Variants in GRIN3A observed in about 807,000 individuals in gnomAD.
GRIN3A encodes glutamate ionotropic receptor NMDA type subunit 3A, also known as glutamate receptor ionotropic, NMDA 3A.
A neutral mutation model predicts 92.4 loss-of-function variants in GRIN3A; 47 were observed. That is an observed-to-expected ratio of 0.51 (90% CI 0.40 to 0.65). GRIN3A has a LOEUF of 0.65. Ranked by LOEUF, GRIN3A falls within the 30% of genes least tolerant of loss-of-function variation. The pLI is 0.00. For synonymous variants in GRIN3A, 527 were observed against 540.6 expected (o/e 0.97, Z 0.35); for missense variants, 1,324 against 1,393.1 (o/e 0.95, Z 0.79).
rs1026487101 is a variant in GRIN3A at position 101,572,416 on chromosome 9, A to G, written c.*758T>C. The G allele has an allele frequency of 5.2e-5, 8 of 152,716 alleles. No individual in the cohort carries two copies. The highest frequency in any genetic ancestry group is 1.2e-4 in the Non-Finnish European group (8 of 68,124). 9.5% of individuals were successfully genotyped at this position (152,716 alleles called of 1,614,324 possible). ...GTAGTCTTATTCATTTTTTAGCCAA[A>G]TTGCCTTTCTGGCCCAGAGCTTTTG... On this transcript the variant is annotated 3_prime_UTR_variant, in exon 9 of 9. Transcript: ENST00000361820.
chr9:101,667,923 G>A (rs558632368), intron 3 of GRIN3A, among the ~76,000 whole-genome samples: 144 of 152,072 alleles, frequency 9.5e-4, no homozygotes, highest in African/African-American at 2.3e-3. Flanking sequence ...TAGAAACAAC[G>A]CTAGTACACA....
chr9:101,602,811 G>A (rs1828229117), intron 6 of GRIN3A: 1 of 152,100 alleles, frequency 6.6e-6, no homozygotes, highest in Non-Finnish European at 1.5e-5. Context: ...ATAGTAGCCA[G>A]AAAGCAACAG....
chr9:101,583,661 AAGC>A (rs1827917427), intron 6 of GRIN3A, among the ~76,000 whole-genome samples: 1 of 152,128 alleles, frequency 6.6e-6, no homozygotes, highest in African/African-American at 2.4e-5. Flanking sequence ...TCAGAAATGC[AAGC>A]AGAAGTCCAG....
intron 2 of GRIN3A, among the ~76,000 whole-genome samples, chr9:101,684,552 T>G (rs1436504287): frequency 6.6e-6 from 1 of 152,120 alleles, no homozygotes; most frequent in Non-Finnish European, 1.5e-5. Flanking sequence ...GAGGATAGAA[T>G]GGGCCAAGTA....
intron 1 of GRIN3A, among the ~76,000 whole-genome samples, chr9:101,730,320 A>G (rs764445478): frequency 2.0e-5 from 3 of 152,178 alleles, no homozygotes; most frequent in East Asian, 1.9e-4. Context: ...TTGCGAATGC[A>G]TAATAAGGTA....
intron 6 of GRIN3A, among the ~76,000 whole-genome samples, chr9:101,602,255 C>T (rs958726495): frequency 6.6e-6 from 1 of 152,274 alleles, no homozygotes; most frequent in African/African-American, 2.4e-5. Flanking sequence ...CAATTTCTCA[C>T]AATTTTAGAC....
chr9:101,737,340 A>G lies in GRIN3A; in HGVS notation c.640T>C (p.Leu214=). 1 of 1,614,202 alleles carries G rather than the reference A, an allele frequency of 6.2e-7. No individual in the cohort carries two copies. Among genetic ancestry groups the G allele is most frequent in the Non-Finnish European group, 8.5e-7 (1 of 1,180,030 alleles). ...CTGATCACTGGAATGTGCAGGACTA[A>G]GCTGACCAAGTCGAGCTCCATCATT... The part of the protein sequence containing the change: ...GEMMELDLVS[L]VLHIPVISIV... The change falls in exon 1 of 9, where the codon TTA becomes CTA. Residue 214 remains leucine, a synonymous_variant. Transcript: ENST00000361820.
rs926458907 is a variant in GRIN3A at position 101,639,343 on chromosome 9, G to GA, written c.2353-10943dup. ...AACTGATGCTATAGGGCTTCTTACAGAAAAAAAAAAAGGAGGATGCCTTTA... is the reference window on the plus strand; with the variant it reads ...AACTGATGCTATAGGGCTTCTTACAGAAAAAAAAAAAAGGAGGATGCCTTTA... On this transcript the variant is annotated intron_variant, in intron 3 of 8. Coordinates refer to ENST00000361820, the MANE Select transcript of GRIN3A (RefSeq NM_133445.3). Among the ~76,000 whole-genome samples the GA allele has an allele frequency of 3.1e-3, 450 of 143,042 alleles. 2 individuals are homozygous for GA. Among genetic ancestry groups the GA allele is most frequent in the African/African-American group, 6.9e-3 (272 of 39,180 alleles). 93.8% of individuals were successfully genotyped at this position (143,042 alleles called of 152,430 possible).
chr9:101,671,025 AG>A lies in GRIN3A; in HGVS notation c.1386del (p.Phe464SerfsTer52). 6.2e-7 allele frequency: 1 copy of A among 1,613,944 alleles called. No homozygotes were observed. The highest frequency in any genetic ancestry group is 1.7e-5 in the Admixed American group (1 of 60,006). ...KGSTIVSSEN[N>X]FFIWNLQHDP... ...TCATGTTGAAGATTCCAGATGAAAA[AG>A]TTGTTTTCTGAGCTGACGATGGTGG... On this transcript the variant is annotated frameshift_variant, in exon 3 of 9. Coordinates refer to ENST00000361820, the MANE Select transcript of GRIN3A (RefSeq NM_133445.3). LOFTEE classifies it high-confidence loss of function.
At chr9:101,611,024 G>C (rs1393630831) in intron 6 of GRIN3A, among the ~76,000 whole-genome samples, 1 of 151,796 alleles carries the variant, frequency 6.6e-6, no homozygotes, top group African/African-American at 2.4e-5. Context: ...TGTGAACCTG[G>C]GAGGTGGAGC....
At position 101,670,439 on chromosome 9, in the gene GRIN3A, C is replaced by T. The variant is rs925868483; in HGVS notation, c.1973G>A (p.Arg658Lys). ...AATGGGAGCTGCTGTATCTCGGGTC[C>T]TCACTAAGATGCCCAAGCTGGTGGA... ...FFSTSLGILV[R>K]TRDTAAPIGA... Residue 658 changes from arginine (R) to lysine (K), a missense_variant, in exon 3 of 9, where the codon AGG becomes AAG. By Grantham distance (26) the Arg-to-Lys change is conservative. Coordinates refer to ENST00000361820, the MANE Select transcript of GRIN3A (RefSeq NM_133445.3). 15 of 1,613,864 alleles carry T rather than the reference C, an allele frequency of 9.3e-6. No homozygotes were observed. Among genetic ancestry groups the T allele is most frequent in the African/African-American group, 2.7e-5 (2 of 74,900 alleles).
At chr9:101,726,557 A>G (rs1420422458) in intron 1 of GRIN3A, among the ~76,000 whole-genome samples, 1 of 152,172 alleles carries the variant, frequency 6.6e-6, no homozygotes, top group African/African-American at 2.4e-5. Flanking sequence ...TTGCAACAGA[A>G]CATCCTTTGA....
At chr9:101,719,606 G>A (rs192279305) in intron 1 of GRIN3A, among the ~76,000 whole-genome samples, 5 of 152,158 alleles carry the variant, frequency 3.3e-5, no homozygotes, top group Admixed American at 3.3e-4. Flanking sequence ...TCTGCAAGGA[G>A]AACCTAATGG....
At chr9:101,600,008 A>T (rs1828190906) in intron 6 of GRIN3A, among the ~76,000 whole-genome samples, 1 of 152,188 alleles carries the variant, frequency 6.6e-6, no homozygotes, top group Admixed American at 6.5e-5. Flanking sequence ...TGTAATACTG[A>T]AATGGTGTTT....
At chr9:101,721,453 C>T (rs371187881) in intron 1 of GRIN3A, among the ~76,000 whole-genome samples, 19 of 152,044 alleles carry the variant, frequency 1.2e-4, no homozygotes, top group African/African-American at 4.1e-4. Flanking sequence ...TAGAGTGGGG[C>T]GTTGCTGAAA....
In GRIN3A at chr9:101,670,210, G is replaced by C. The variant is rs754316395; in HGVS notation, c.2202C>G (p.Ile734Met). The C allele has an allele frequency of 6.2e-7, 1 of 1,613,912 alleles. No individual in the cohort carries two copies. The highest frequency in any genetic ancestry group is 1.1e-5 in the South Asian group (1 of 91,088). Reference sequence around the variant, plus strand: ...TTCCAGTCCAACATTTTGGAGGTTTGATGGCCACTGTTCTGCCAAACAAGA... The same window carrying C: ...TTCCAGTCCAACATTTTGGAGGTTTCATGGCCACTGTTCTGCCAAACAAGA... ...YALLFGRTVA[I>M]KPPKCWTGRF... The change falls in exon 3 of 9, where the codon ATC becomes ATG. Residue 734 changes from isoleucine (I) to methionine (M), a missense_variant. Ile to Met is a conservative substitution (Grantham distance 10, BLOSUM62 1). Coordinates refer to ENST00000361820, the MANE Select transcript of GRIN3A (RefSeq NM_133445.3).
At chr9:101,717,328 A>G (rs1188322687) in intron 1 of GRIN3A, among the ~76,000 whole-genome samples, 3 of 152,128 alleles carry the variant, frequency 2.0e-5, no homozygotes, top group African/African-American at 7.2e-5. Context: ...AACAAATGAT[A>G]CTCAGATCGT....
chr9:101,641,650 G>A (rs1399702543), intron 3 of GRIN3A, among the ~76,000 whole-genome samples: 1 of 151,890 alleles, frequency 6.6e-6, no homozygotes, highest in African/African-American at 2.4e-5. Context: ...GGAGAGGGGA[G>A]GGATAGCATT....
chr9:101,604,544 C>A (rs183926505), intron 6 of GRIN3A, among the ~76,000 whole-genome samples: 1 of 152,150 alleles, frequency 6.6e-6, no homozygotes, highest in South Asian at 2.1e-4. Context: ...TTGATATACA[C>A]GAGTTTTCAA....
Sources: allele counts gnomAD v4.1 joint callset (sites outside exome capture counted in the v4.1 genomes callset), GRCh38; gene constraint gnomAD v4.1.1; transcripts MANE v1.5; gene names NCBI Gene and HGNC (gene_info 2026-07-23, HGNC 2026-07-21).